GMDS: variants seen among roughly 807,000 people sequenced by gnomAD.
GMDS encodes the protein GDP-mannose 4,6 dehydratase.
A neutral mutation model predicts 49.9 loss-of-function variants in GMDS; 20 were observed. The ratio of observed to expected loss-of-function variants is 0.40; its 90% confidence interval spans 0.28 to 0.58. GMDS has a LOEUF of 0.58. Among genes scored for constraint, GMDS ranks in the 20% least tolerant of loss-of-function variants. GMDS has a pLI of 0.42. For synonymous variants in GMDS, 177 were observed against 178.6 expected (o/e 0.99, Z 0.07); for missense variants, 362 against 481.4 (o/e 0.75, Z 2.32).
intron 4 of GMDS, among the ~76,000 whole-genome samples, chr6:2,066,355 T>G (rs949770086): frequency 1.5e-5 from 2 of 134,166 alleles, no homozygotes; most frequent in Non-Finnish European, 3.2e-5. Flanking sequence ...AGAAACTGCA[T>G]CAACTAATGA....
intron 7 of GMDS, among the ~76,000 whole-genome samples, chr6:1,825,360 T>C (rs1160163255): frequency 6.6e-6 from 1 of 152,184 alleles, no homozygotes; most frequent in Admixed American, 6.5e-5. Flanking sequence ...TTACAAAACC[T>C]CAGGTTTACA....
At chr6:2,013,094 C>T (rs10458057) in intron 4 of GMDS, among the ~76,000 whole-genome samples, 70,210 of 151,980 alleles carry the variant, frequency 0.46, 16,506 homozygotes, top group African/African-American at 0.54. Context: ...AATTCAGCCT[C>T]ATTTTAAAAA....
intron 7 of GMDS, among the ~76,000 whole-genome samples, chr6:1,923,071 G>C (rs185266681): frequency 6.6e-6 from 1 of 152,162 alleles, no homozygotes; most frequent in Admixed American, 6.5e-5. Flanking sequence ...CATGTAAGAC[G>C]TGCCTTTCGC....
At chr6:2,183,738 C>T (rs1778657336) in intron 1 of GMDS, among the ~76,000 whole-genome samples, 2 of 152,060 alleles carry the variant, frequency 1.3e-5, no homozygotes, top group Admixed American at 1.3e-4. Flanking sequence ...TTATTATTGT[C>T]TTATTGTAAG....
chr6:1,958,897 C>A (rs1341493333), intron 6 of GMDS, among the ~76,000 whole-genome samples: 1 of 152,160 alleles, frequency 6.6e-6, no homozygotes, highest in Admixed American at 6.5e-5. Context: ...GTAAAGCTTT[C>A]TCATGCTTCA....
At chr6:2,134,688 T>C (rs751578625) in intron 1 of GMDS, among the ~76,000 whole-genome samples, 1 of 152,338 alleles carries the variant, frequency 6.6e-6, no homozygotes, top group East Asian at 1.9e-4. Flanking sequence ...TCTCTCCTAA[T>C]ATTTATGATA....
At chr6:1,759,663 G>A (rs1768086394) in intron 7 of GMDS, among the ~76,000 whole-genome samples, 1 of 152,164 alleles carries the variant, frequency 6.6e-6, no homozygotes, top group Non-Finnish European at 1.5e-5. Flanking sequence ...ACTGTGCCTG[G>A]CCTACGTGCT....
chr6:2,207,207 G>A (rs989392460), intron 1 of GMDS, among the ~76,000 whole-genome samples: 11 of 151,904 alleles, frequency 7.2e-5, no homozygotes, highest in Non-Finnish European at 1.6e-4. Flanking sequence ...CTACCCTCAA[G>A]TTTATGTCAC....
At chr6:1,877,564 G>A (rs957915793) in intron 7 of GMDS, among the ~76,000 whole-genome samples, 1 of 148,994 alleles carries the variant, frequency 6.7e-6, no homozygotes, top group Non-Finnish European at 1.5e-5. Flanking sequence ...CTTGAGCCCA[G>A]GAATTTGAGG....
At chr6:1,951,195 CAAGT>C (rs1052718287) in intron 6 of GMDS, among the ~76,000 whole-genome samples, 1 of 151,550 alleles carries the variant, frequency 6.6e-6, no homozygotes, top group African/African-American at 2.4e-5. Flanking sequence ...TAAATTTTGA[CAAGT>C]AATTTTTACA....
At chr6:1,925,425 A>G (rs982282102) in intron 7 of GMDS, among the ~76,000 whole-genome samples, 3 of 152,250 alleles carry the variant, frequency 2.0e-5, no homozygotes, top group African/African-American at 7.2e-5. Context: ...TACAAGTCAG[A>G]GGTAAACTTT....
At chr6:2,230,729 T>TA (rs933995745) in intron 1 of GMDS, among the ~76,000 whole-genome samples, 1 of 151,444 alleles carries the variant, frequency 6.6e-6, no homozygotes, top group Non-Finnish European at 1.5e-5. Context: ...CCGTTGTCCA[T>TA]AAAAAAGCCA....
chr6:1,686,282 G>A (rs1228650280), intron 9 of GMDS, among the ~76,000 whole-genome samples: 3 of 152,234 alleles, frequency 2.0e-5, no homozygotes. Flanking sequence ...GGTTCCCACA[G>A]AGGAAGGAAT....
At chr6:1,692,965 G>A (rs1156788554) in intron 9 of GMDS, among the ~76,000 whole-genome samples, 1 of 151,988 alleles carries the variant, frequency 6.6e-6, no homozygotes. Context: ...TTATCTTCTG[G>A]GGCAGTAGAT....
At chr6:2,179,981 T>C (rs1394107103) in intron 1 of GMDS, among the ~76,000 whole-genome samples, 2 of 150,076 alleles carry the variant, frequency 1.3e-5, no homozygotes, top group East Asian at 2.0e-4. Context: ...GAAAGATGCA[T>C]TGTAACACCA....
rs1758227075 is a variant in GMDS at position 1,862,307 on chromosome 6, T to C, written c.771+67796A>G. Among the ~76,000 whole-genome samples, 5 of 152,348 alleles carry C rather than the reference T, an allele frequency of 3.3e-5. No homozygotes were observed. The South Asian group carries it at 6.2e-4, about 19-fold the overall frequency. On this transcript the variant is annotated intron_variant, in intron 7 of 10. Transcript: ENST00000380815. ...AATTATTTTGTTTAATATTTTAAAC[T>C]AAAATAATGGTTCTCCCTTTACATC...
chr6:1,840,442 C>T (rs1274088144), intron 7 of GMDS, among the ~76,000 whole-genome samples: 1 of 152,148 alleles, frequency 6.6e-6, no homozygotes, highest in African/African-American at 2.4e-5. Flanking sequence ...CCAGAAATGT[C>T]AACTAGGCTT....
chr6:1,672,534 G>A (rs370285928), intron 9 of GMDS, among the ~76,000 whole-genome samples: 1 of 152,228 alleles, frequency 6.6e-6, no homozygotes, highest in African/African-American at 2.4e-5. Flanking sequence ...GTAGAAAGGA[G>A]CATTTCACAA....
intron 4 of GMDS, among the ~76,000 whole-genome samples, chr6:2,016,598 T>C (rs1767915244): frequency 6.6e-6 from 1 of 152,180 alleles, no homozygotes; most frequent in South Asian, 2.1e-4. Context: ...TAATGGACGA[T>C]TAATGAACAC....
Sources: gnomAD v4.1 joint callset for allele counts (sites outside exome capture counted in the v4.1 genomes callset) on GRCh38, gnomAD v4.1.1 for gene constraint, MANE v1.5 for transcripts, NCBI Gene and HGNC (gene_info 2026-07-23, HGNC 2026-07-21) for gene names.